Variants in KLKB1 observed in about 807,000 individuals in gnomAD.
KLKB1 encodes kallikrein B1, also known as plasma kallikrein.
KLKB1 carries 58 observed loss-of-function variants against 73.6 expected under a neutral mutation model. That is an observed-to-expected ratio of 0.79 (90% CI 0.64 to 0.98). The LOEUF (loss-of-function observed/expected upper bound fraction) is 0.98. KLKB1 is among the 50% of genes least tolerant of loss of function. The pLI, the probability that KLKB1 is intolerant of heterozygous loss-of-function variation, is 0.00. For missense variants in KLKB1, 737 were observed against 763.8 expected (o/e 0.96, Z 0.41); for synonymous variants, 280 against 258.1 (o/e 1.08, Z -0.81).
At chr4:186,245,105 T>A (rs1738259474) in intron 6 of KLKB1, among the ~76,000 whole-genome samples, 3 of 152,032 alleles carry the variant, frequency 2.0e-5, no homozygotes, top group African/African-American at 7.2e-5. Context: ...GCTGGGCAGG[T>A]GGTGATAACT....
In KLKB1 at chr4:186,251,598, G is replaced by A. The variant is rs761769626; in HGVS notation, c.980G>A (p.Arg327His). Residue 327 changes from arginine (R) to histidine (H), a missense_variant, in exon 9 of 15, where the codon CGC becomes CAC. Coordinates refer to ENST00000264690, the MANE Select transcript of KLKB1 (RefSeq NM_000892.5). The part of the protein sequence containing the change: ...VCQETCTKMI[R>H]CQFFTYSLLP... ...CAAGAGACTTGCACAAAGATGATTCGCTGTCAGTTTTTCACTTATTCTTTA... is the reference window on the plus strand; with the variant it reads ...CAAGAGACTTGCACAAAGATGATTCACTGTCAGTTTTTCACTTATTCTTTA... 15 of 1,613,936 alleles carry A rather than the reference G, an allele frequency of 9.3e-6. No homozygotes were observed. The highest frequency in any genetic ancestry group is 1.3e-5 in the African/African-American group (1 of 74,894).
chr4:186,242,156 G>A (rs1220937357), intron 6 of KLKB1, among the ~76,000 whole-genome samples: 1 of 151,776 alleles, frequency 6.6e-6, no homozygotes, highest in Non-Finnish European at 1.5e-5. Flanking sequence ...AGCGGTGGGG[G>A]GTCACAAGGT....
At chr4:186,229,238 G>A (rs1422351541) in intron 2 of KLKB1, among the ~76,000 whole-genome samples, 1 of 152,150 alleles carries the variant, frequency 6.6e-6, no homozygotes, top group African/African-American at 2.4e-5. Flanking sequence ...AATAAATCAT[G>A]ATTATGGCTA....
rs116125621 is a variant in KLKB1, at chr4:186,216,359, C to T, written c.201+7087C>T. Among the ~76,000 whole-genome samples, 1,482 of 152,176 alleles carry T rather than the reference C, an allele frequency of 9.7e-3. 25 individuals are homozygous for T. The highest frequency in any genetic ancestry group is 0.032 in the African/African-American group (1,336 of 41,502). Reference sequence around the variant, plus strand: ...CCAGCAAGGTGTTACAGACAGTGGGCGTCTGAAAAACAACAGAGAAATGGA... The same window carrying T: ...CCAGCAAGGTGTTACAGACAGTGGGTGTCTGAAAAACAACAGAGAAATGGA... On this transcript the variant is annotated intron_variant, in intron 2 of 14. Transcript: ENST00000511608.
chr4:186,242,924 GTC>G (rs1738128655), intron 6 of KLKB1, among the ~76,000 whole-genome samples: 1 of 130,524 alleles, frequency 7.7e-6, no homozygotes, highest in African/African-American at 2.7e-5. Flanking sequence ...ATAAAGGCCG[GTC>G]TGTTATCGGA....
Position 186,236,846 on chromosome 4 carries a change from A to T in KLKB1, c.394A>T (p.Ser132Cys). Reference protein sequence around the residue: ...RGVNFNVSKVSSVEECQKRCT... With the variant: ...RGVNFNVSKVCSVEECQKRCT... Reference sequence around the variant, plus strand: ...AGTCAATTTTAATGTGTCTAAGGTTAGCAGTGTTGAAGAATGCCAAAAAAG... The same window carrying T: ...AGTCAATTTTAATGTGTCTAAGGTTTGCAGTGTTGAAGAATGCCAAAAAAG... Residue 132 changes from serine to cysteine, a missense_variant, in exon 5 of 15, where the codon AGC (serine) becomes TGC (cysteine). Coordinates refer to ENST00000264690, the MANE Select transcript of KLKB1 (RefSeq NM_000892.5). 1 of 1,613,996 alleles carries T rather than the reference A, an allele frequency of 6.2e-7. No homozygotes were observed. Among genetic ancestry groups the T allele is most frequent in the Non-Finnish European group, 8.5e-7 (1 of 1,179,892 alleles).
intron 3 of KLKB1, among the ~76,000 whole-genome samples, chr4:186,233,431 A>G (rs1737498649): frequency 6.6e-6 from 1 of 152,176 alleles, no homozygotes; most frequent in South Asian, 2.1e-4. Flanking sequence ...TTGTAGAGAA[A>G]ACTCAGATTG....
Position 186,251,285 on chromosome 4 carries a change from C to A in KLKB1, c.825C>A (p.Thr275=). ...GTTCCTCTACTCCTCAAGAAAACAC[C>A]ATATCTGGATATAGCCTTTTAACCT... The part of the protein sequence containing the change: ...TPSSSTPQEN[T]ISGYSLLTCK... Residue 275 remains threonine (T), a synonymous_variant, in exon 8 of 15, where the codon ACC becomes ACA. Transcript: ENST00000264690. 1.2e-6 allele frequency: 2 copies of A among 1,611,526 alleles called. No homozygotes were observed. Among genetic ancestry groups the A allele is most frequent in the South Asian group, 2.2e-5 (2 of 90,984 alleles).
intron 2 of KLKB1, chr4:186,229,092 C>T (rs1737276471): frequency 6.6e-6 from 1 of 152,132 alleles, no homozygotes; most frequent in Non-Finnish European, 1.5e-5. Context: ...ACCCTGATTT[C>T]TCTTCTAAAC....
At chr4:186,230,383 C>A (rs985378122) in intron 2 of KLKB1, among the ~76,000 whole-genome samples, 1 of 151,968 alleles carries the variant, frequency 6.6e-6, no homozygotes, top group Non-Finnish European at 1.5e-5. Flanking sequence ...TTATCTAATT[C>A]TTTAAAATTT....
In KLKB1 at chr4:186,231,168, A is replaced by G. The variant is rs1737384964; in HGVS notation, c.59-959A>G. Reference sequence around the variant, plus strand: ...AGCTGCCCACTCCCTCAAAGGCAATAAAAAATAGGTACTATTTAAATTGAA... The same window carrying G: ...AGCTGCCCACTCCCTCAAAGGCAATGAAAAATAGGTACTATTTAAATTGAA... On this transcript the variant is annotated intron_variant, in intron 2 of 14. Transcript: ENST00000264690. Among the ~76,000 whole-genome samples, 4 of 152,142 alleles carry G rather than the reference A, an allele frequency of 2.6e-5. No individual in the cohort carries two copies. In the South Asian group the frequency reaches 6.2e-4, roughly 24 times the overall value.
intron 6 of KLKB1, among the ~76,000 whole-genome samples, chr4:186,246,926 G>A (rs895059540): frequency 5.9e-5 from 9 of 152,136 alleles, no homozygotes; most frequent in African/African-American, 7.2e-5. Context: ...TGGATAAAAC[G>A]CGTCTCCTCT....
chr4:186,229,290 A>C (rs1579992690), intron 2 of KLKB1, among the ~76,000 whole-genome samples: 1 of 152,316 alleles, frequency 6.6e-6, no homozygotes, highest in East Asian at 1.9e-4. Flanking sequence ...TAGAAACTAC[A>C]TATTGCATGT....
At chr4:186,210,866 C>T (rs895549443) in intron 2 of KLKB1, 6 of 489,146 alleles carry the variant, frequency 1.2e-5, no homozygotes, top group Non-Finnish European at 1.1e-5. Flanking sequence ...CCGTGTCTCA[C>T]TCTGTCGCCC....
At chr4:186,240,916 G>T (rs1179096565) in intron 6 of KLKB1, among the ~76,000 whole-genome samples, 1 of 152,170 alleles carries the variant, frequency 6.6e-6, no homozygotes, top group Non-Finnish European at 1.5e-5. Context: ...CAGGGAACAG[G>T]CAAGCTCGTG....
Position 186,258,217 on chromosome 4 carries a change from C to T in KLKB1, c.*5C>T. 2 of 1,612,954 alleles carry T rather than the reference C, an allele frequency of 1.2e-6. No homozygotes were observed. Among genetic ancestry groups the T allele is most frequent in the Non-Finnish European group, 1.7e-6 (2 of 1,179,380 alleles). ...CAGATGCAGTCACCAGCATGAGAAG[C>T]AGTCCAGAGTCTAGGCAATTTTTAC... On this transcript the variant is annotated 3_prime_UTR_variant, in exon 15 of 15. Coordinates refer to ENST00000264690, the MANE Select transcript of KLKB1 (RefSeq NM_000892.5).
At chr4:186,250,166 A>G (rs1580026376) in intron 6 of KLKB1, 77 bp from the exon 7 acceptor site, 1 of 1,299,904 alleles carries the variant, frequency 7.7e-7, no homozygotes, top group East Asian at 2.3e-5. Context: ...CAATTTCCTT[A>G]ACTATGGTGA....
At chr4:186,246,146 G>T (rs940155039) in intron 6 of KLKB1, among the ~76,000 whole-genome samples, 6 of 152,026 alleles carry the variant, frequency 3.9e-5, no homozygotes, top group Non-Finnish European at 7.4e-5. Flanking sequence ...GTGAGGAGGG[G>T]AGGTGATAGA....
At chr4:186,245,823 G>GTTTT (rs1561460148) in intron 6 of KLKB1, among the ~76,000 whole-genome samples, 3 of 48,604 alleles carry the variant, frequency 6.2e-5, no homozygotes, top group Admixed American at 2.2e-4. Flanking sequence ...TTTGTTTTTT[G>GTTTT]GTTTTTTTTT....
Sources: gnomAD v4.1 joint callset for allele counts (sites outside exome capture counted in the v4.1 genomes callset) on GRCh38, gnomAD v4.1.1 for gene constraint, MANE v1.5 for transcripts, NCBI Gene and HGNC (gene_info 2026-07-23, HGNC 2026-07-21) for gene names.